RPS4X: variants seen among roughly 807,000 people sequenced by gnomAD.
RPS4X encodes ribosomal protein S4 X-linked, also known as small ribosomal subunit protein eS4, X isoform.
For missense variants in RPS4X, 90 were observed against 219.1 expected, an observed-to-expected ratio of 0.41 and a Z score of 3.72; for synonymous variants, 76 against 76.8, an observed-to-expected ratio of 0.99 and a Z score of 0.06.
intron 1 of RPS4X, among the ~76,000 whole-genome samples, 199 bp from the exon 2 acceptor site, chrX:72,276,433 T>C (rs1378969810): frequency 8.9e-6 from 1 of 112,596 alleles, no homozygotes; most frequent in Non-Finnish European, 1.9e-5. Flanking sequence ...AGCCTTCTTA[T>C]TGTAACAGAG....
intron 2 of RPS4X, 92 bp from the exon 3 acceptor site, chrX:72,275,816 G>T: frequency 1.3e-6 from 1 of 770,516 alleles, no homozygotes; most frequent in South Asian, 2.6e-5. Flanking sequence ...TGAACACCAA[G>T]ACCGTCCATA....
rs2043195626 is a variant in RPS4X at position 72,274,874 on chromosome X, A to G, written c.360+179T>C. ...ACAGCTATCAGCCAGACTTTTAATA[A>G]CATGACAAAAAGTTACATGTAAGAC... On this transcript the variant is annotated intron_variant, in intron 4 of 6. Transcript: ENST00000316084. 18 of 407,021 alleles carry G rather than the reference A, an allele frequency of 4.4e-5. No individual in the cohort carries two copies. In the East Asian group the frequency reaches 7.1e-4, roughly 16 times the overall value. 33.5% of individuals were successfully genotyped at this position (407,021 alleles called of 1,213,427 possible). A position where few individuals can be genotyped will look rare whatever the true frequency, so the allele number is the denominator to read the frequency against.
In RPS4X at chrX:72,274,905, C is replaced by T. The variant is rs1261795767; in HGVS notation, c.360+148G>A. On this transcript the variant is annotated intron_variant, in intron 4 of 6. Coordinates refer to ENST00000316084, the MANE Select transcript of RPS4X (RefSeq NM_001007.5). ...CAAAAAGTTACATGTAAGACAGAAT[C>T]TCATCGAATTGTTAGCTAGATATTT... 2.8e-5 allele frequency: 12 copies of T among 433,536 alleles called. No individual in the cohort carries two copies. The Admixed American group carries it at 2.9e-4, about 11-fold the overall frequency. The allele number at this position is 433,536 out of a possible 1,213,427, so 35.7% of individuals were successfully genotyped here.
Position 72,273,785 on chromosome X carries a change from C to G in RPS4X, c.532+16G>C. On this transcript the variant is annotated intron_variant, in intron 5 of 6. Transcript: ENST00000316084. ...GGCCTTAAAGAGGGTGCCCAGGTAG[C>G]ACAGAGGATGCTTACCAGTGTCGAA... 1 of 1,199,494 alleles carries G rather than the reference C, an allele frequency of 8.3e-7. No individual in the cohort carries two copies. Among genetic ancestry groups the G allele is most frequent in the Non-Finnish European group, 1.1e-6 (1 of 885,102 alleles).
chrX:72,275,190 C>A, intron 3 of RPS4X, 40 bp from the exon 4 acceptor site: 1 of 915,259 alleles, frequency 1.1e-6, no homozygotes. Context: ...TACAGTGATC[C>A]CCACTACCTC....
In RPS4X at chrX:72,276,057, A is replaced by G. The variant is rs1490041661; in HGVS notation, c.81+100T>C. On this transcript the variant is annotated intron_variant, in intron 2 of 6. Transcript: ENST00000316084. Reference sequence around the variant, plus strand: ...AGTATAGCTCCTTCAAGGGCAGAGGAAGCCAAGAATAGATATTCCTCCCCT... The same window carrying G: ...AGTATAGCTCCTTCAAGGGCAGAGGGAGCCAAGAATAGATATTCCTCCCCT... 1.9e-5 allele frequency: 12 copies of G among 648,459 alleles called. No individual in the cohort carries two copies. The South Asian group carries it at 2.5e-4, about 13-fold the overall frequency. 53.4% of individuals were successfully genotyped at this position (648,459 alleles called of 1,213,427 possible). A position where few individuals can be genotyped will look rare whatever the true frequency, so the allele number is the denominator to read the frequency against.
chrX:72,274,798 G>A, intron 4 of RPS4X: 1 of 322,908 alleles, frequency 3.1e-6, no homozygotes, highest in Non-Finnish European at 5.5e-6. Flanking sequence ...AAAATCTGCT[G>A]AGGAAGTTAA....
intron 1 of RPS4X, 97 bp from the exon 2 acceptor site, chrX:72,276,331 A>G: frequency 1.7e-6 from 1 of 587,786 alleles, no homozygotes; most frequent in Non-Finnish European, 2.8e-6. Context: ...CATCTTCAGC[A>G]AAATGTGGAC....
At chrX:72,273,440 A>G (rs1411681848) in intron 5 of RPS4X, 51 bp from the exon 6 acceptor site, 1 of 1,087,342 alleles carries the variant, frequency 9.2e-7, no homozygotes, top group Non-Finnish European at 1.2e-6. Context: ...AATGACAAGC[A>G]GCTCAGAGAT....
chrX:72,272,502 C>G lies in RPS4X; in HGVS notation c.*169G>C, dbSNP rs1204693581. On this transcript the variant is annotated 3_prime_UTR_variant, in exon 7 of 7. Coordinates refer to ENST00000316084, the MANE Select transcript of RPS4X (RefSeq NM_001007.5). ...ACCACTAACTAAGCCCAGCCAATAA[C>G]AGACTGCCTAAGCCTGCCTGAGAAC... 1.6e-5 allele frequency: 6 copies of G among 382,902 alleles called. No homozygotes were observed. The highest frequency in any genetic ancestry group is 2.7e-5 in the Non-Finnish European group (6 of 221,006). 31.6% of individuals were successfully genotyped at this position (382,902 alleles called of 1,213,427 possible).
At chrX:72,273,649 AGAAAT>A (rs1411132893) in intron 5 of RPS4X, 147 bp downstream of exon 5, 1 of 520,832 alleles carries the variant, frequency 1.9e-6, no homozygotes, top group Non-Finnish European at 3.2e-6. Context: ...TTTAAAGAAA[AGAAAT>A]GAGTATTCTG....
intron 3 of RPS4X, 56 bp from the exon 4 acceptor site, chrX:72,275,206 G>C (rs1344283696): frequency 1.3e-6 from 1 of 799,018 alleles, no homozygotes; most frequent in African/African-American, 2.0e-5. Context: ...ACCTCATGCC[G>C]AGCAACAACC....
intron 4 of RPS4X, chrX:72,274,638 A>C (rs1424267629): frequency 4.0e-6 from 1 of 248,899 alleles, no homozygotes; most frequent in Non-Finnish European, 7.7e-6. Flanking sequence ...CCCCTCCCCA[A>C]AGTAAAGCTA....
At chrX:72,274,534 A>T (rs2043194044) in intron 4 of RPS4X, 1 of 323,921 alleles carries the variant, frequency 3.1e-6, no homozygotes, top group Non-Finnish European at 6.1e-6. Flanking sequence ...TAAAACCATC[A>T]AAACAAACTG....
rs1264011394 is a variant in RPS4X at position 72,276,148 on chromosome X, G to A, written c.81+9C>T. On this transcript the variant is annotated intron_variant, in intron 2 of 6. Transcript: ENST00000316084. ...AGTGGCCACGGAAATATTTATATAAGATACTTACAAACACACCGGTCAATT... is the reference window on the plus strand; with the variant it reads ...AGTGGCCACGGAAATATTTATATAAAATACTTACAAACACACCGGTCAATT... 1.7e-6 allele frequency: 2 copies of A among 1,190,971 alleles called. No homozygotes were observed. Among genetic ancestry groups the A allele is most frequent in the African/African-American group, 3.5e-5 (2 of 56,708 alleles).
intron 5 of RPS4X, 103 bp downstream of exon 5, chrX:72,273,698 G>A: frequency 1.5e-6 from 1 of 666,223 alleles, no homozygotes; most frequent in Non-Finnish European, 2.3e-6. Flanking sequence ...ACACACCTGG[G>A]CGATTGGAGC....
chrX:72,276,692 A>G (rs935778554), intron 1 of RPS4X, among the ~76,000 whole-genome samples: 5 of 112,276 alleles, frequency 4.5e-5, no homozygotes, highest in African/African-American at 1.6e-4. Context: ...CCGCACAAAC[A>G]CATGTGCTGC....
Position 72,273,221 on chromosome X carries a change from C to T in RPS4X, c.690+11G>A. The T allele has an allele frequency of 8.3e-7, 1 of 1,199,812 alleles. No individual in the cohort carries two copies. The highest frequency in any genetic ancestry group is 1.1e-6 in the Non-Finnish European group (1 of 888,982). On this transcript the variant is annotated intron_variant, in intron 6 of 6. Transcript: ENST00000316084. ...TTCCTCAGACTAGAGAGAAGGAAAA[C>T]CCAGACTTACCTTGCCAATAACAAA...
At chrX:72,277,062 T>G in intron 1 of RPS4X, 131 bp downstream of exon 1, 1 of 796,997 alleles carries the variant, frequency 1.3e-6, no homozygotes, top group Non-Finnish European at 1.8e-6. Flanking sequence ...CGTCCCGGCC[T>G]ACCACGGAGG....
Sources: allele counts gnomAD v4.1 joint callset (sites outside exome capture counted in the v4.1 genomes callset), GRCh38; gene constraint gnomAD v4.1.1; transcripts MANE v1.5; gene names NCBI Gene and HGNC (gene_info 2026-07-23, HGNC 2026-07-21).